TSPAN13: variants seen among roughly 807,000 people sequenced by gnomAD.
TSPAN13 encodes the protein tetraspanin 13, also known as tetraspanin-13.
A neutral mutation model predicts 26.9 loss-of-function variants in TSPAN13; 18 were observed. The ratio of observed to expected loss-of-function variants is 0.67; its 90% CI spans 0.46 to 0.99. The LOEUF (loss-of-function observed/expected upper bound fraction) is 0.99, where lower values mean the gene tolerates loss of function less well. TSPAN13 is among the 50% of genes least tolerant of loss of function. The pLI, the probability that TSPAN13 is intolerant of heterozygous loss-of-function variation, is 0.00. For missense variants in TSPAN13, 201 were observed against 249.6 expected (o/e 0.81, Z 1.31); for synonymous variants, 116 against 98.4 (o/e 1.18, Z -1.06).
At chr7:16,778,224 T>G in intron 4 of TSPAN13, among the ~76,000 whole-genome samples, 1 of 152,212 alleles carries the variant, frequency 6.6e-6, no homozygotes, top group Non-Finnish European at 1.5e-5. Context: ...GTGTTCATAT[T>G]TTGGGGAAAC....
intron 5 of TSPAN13, among the ~76,000 whole-genome samples, chr7:16,779,442 C>T (rs1562521504): frequency 6.6e-6 from 1 of 151,966 alleles, no homozygotes; most frequent in African/African-American, 2.4e-5. Flanking sequence ...AAAGGTAGGA[C>T]ATTCACATTG....
Position 16,753,874 on chromosome 7 carries a change from G to T in TSPAN13, c.-94G>T. The T allele has an allele frequency of 7.3e-7, 1 of 1,361,366 alleles. No homozygotes were observed. The highest frequency in any genetic ancestry group is 1.0e-6 in the Non-Finnish European group (1 of 973,716). 84.3% of individuals were successfully genotyped at this position (1,361,366 alleles called of 1,614,324 possible). ...CCACGTCTGCGTTGCTGCCCCGCCTGGGCCAGGCCCCAAAGGCAAGGACAA... is the reference window on the plus strand; with the variant it reads ...CCACGTCTGCGTTGCTGCCCCGCCTTGGCCAGGCCCCAAAGGCAAGGACAA... On this transcript the variant is annotated 5_prime_UTR_variant, in exon 1 of 6. Coordinates refer to ENST00000262067, the MANE Select transcript of TSPAN13 (RefSeq NM_014399.4).
intron 1 of TSPAN13, among the ~76,000 whole-genome samples, chr7:16,756,479 G>C (rs1252933880): frequency 6.6e-6 from 1 of 152,184 alleles, no homozygotes; most frequent in Non-Finnish European, 1.5e-5. Flanking sequence ...GACTGTATCA[G>C]CTGAACTGTC....
chr7:16,772,160 A>G (rs112225491), intron 1 of TSPAN13, among the ~76,000 whole-genome samples: 2 of 152,166 alleles, frequency 1.3e-5, no homozygotes, highest in Non-Finnish European at 2.9e-5. Context: ...CGAAACGATG[A>G]TGCAGATAAT....
intron 1 of TSPAN13, among the ~76,000 whole-genome samples, chr7:16,758,861 G>A (rs1149516): frequency 7.3e-5 from 11 of 151,286 alleles, no homozygotes; most frequent in Admixed American, 7.2e-4. Flanking sequence ...AATTGTAACT[G>A]TTTGGGGTTA....
chr7:16,755,113 C>G (rs1206712515), intron 1 of TSPAN13, among the ~76,000 whole-genome samples: 1 of 151,986 alleles, frequency 6.6e-6, no homozygotes, highest in Non-Finnish European at 1.5e-5. Flanking sequence ...TTGCTCCCTT[C>G]TATAAATATA....
At chr7:16,776,553 A>G (rs1408155270) in intron 2 of TSPAN13, among the ~76,000 whole-genome samples, 175 bp downstream of exon 2, 1 of 152,140 alleles carries the variant, frequency 6.6e-6, no homozygotes, top group Non-Finnish European at 1.5e-5. Flanking sequence ...GTACGTTTTC[A>G]TATTCTCACC....
At chr7:16,759,880 G>A (rs539662904) in intron 1 of TSPAN13, among the ~76,000 whole-genome samples, 13 of 152,072 alleles carry the variant, frequency 8.5e-5, no homozygotes, top group African/African-American at 1.9e-4. Flanking sequence ...TTGTAGAGAC[G>A]GGGTCTGTGT....
chr7:16,754,457 G>T (rs962089153), intron 1 of TSPAN13, among the ~76,000 whole-genome samples: 8 of 152,212 alleles, frequency 5.3e-5, no homozygotes, highest in Admixed American at 6.5e-5. Flanking sequence ...GAATGGCGTG[G>T]CCTGAAACTG....
Position 16,776,354 on chromosome 7 carries a change from A to C in TSPAN13, c.207A>C (p.Lys69Asn). The change falls in exon 2 of 6, where the codon AAA (lysine) becomes AAC (asparagine). Residue 69 changes from lysine to asparagine, a missense_variant. Lys to Asn is a moderately conservative substitution (Grantham distance 94, BLOSUM62 0). Coordinates refer to ENST00000262067, the MANE Select transcript of TSPAN13 (RefSeq NM_014399.4). Reference protein sequence around the residue: ...IALVGLIGAVKHHQVLLFFYM... With the variant: ...IALVGLIGAVNHHQVLLFFYM... ...TAGTGGGTCTGATTGGAGCTGTAAA[A>C]CATCATCAGGTGTTGCTATTTTTTG... 6.2e-7 allele frequency: 1 copy of C among 1,613,596 alleles called. No individual in the cohort carries two copies. The highest frequency in any genetic ancestry group is 2.2e-5 in the East Asian group (1 of 44,856).
At chr7:16,755,759 C>G (rs892751557) in intron 1 of TSPAN13, among the ~76,000 whole-genome samples, 3 of 151,944 alleles carry the variant, frequency 2.0e-5, no homozygotes, top group African/African-American at 7.3e-5. Context: ...TTTAAAAAGG[C>G]AAGTTATTTT....
chr7:16,761,690 A>ATTTTTTTTTT (rs35451307), intron 1 of TSPAN13, among the ~76,000 whole-genome samples: 11 of 93,324 alleles, frequency 1.2e-4, no homozygotes, highest in African/African-American at 1.7e-4. Flanking sequence ...CAGCTAATTA[A>ATTTTTTTTTT]TTTTTTTTTT....
intron 3 of TSPAN13, 38 bp downstream of exon 3, chr7:16,777,160 C>CAT (rs780276418): frequency 7.0e-7 from 1 of 1,420,104 alleles, no homozygotes; most frequent in East Asian, 2.3e-5. Context: ...TATTATACCA[C>CAT]ATAGCATGAG....
intron 1 of TSPAN13, among the ~76,000 whole-genome samples, chr7:16,770,727 G>A (rs916095698): frequency 6.6e-6 from 1 of 151,972 alleles, no homozygotes; most frequent in African/African-American, 2.4e-5. Flanking sequence ...GATTTGGAAG[G>A]GTCCCTCCTG....
At chr7:16,778,869 A>G in intron 4 of TSPAN13, 134 bp from the exon 5 acceptor site, 1 of 616,400 alleles carries the variant, frequency 1.6e-6, no homozygotes, top group Non-Finnish European at 2.8e-6. Flanking sequence ...TGTGTTAGAG[A>G]TTTGCACACT....
chr7:16,770,784 G>T (rs916306011), intron 1 of TSPAN13, among the ~76,000 whole-genome samples: 13 of 152,266 alleles, frequency 8.5e-5, no homozygotes, highest in Middle Eastern at 3.4e-3. Flanking sequence ...CCCAAATGCC[G>T]TCACCTCTTG....
chr7:16,781,958 T>C (rs1028040568), intron 5 of TSPAN13, among the ~76,000 whole-genome samples: 1 of 152,196 alleles, frequency 6.6e-6, no homozygotes, highest in Non-Finnish European at 1.5e-5. Flanking sequence ...TGGGGTAGTT[T>C]ATGGGCTCCA....
chr7:16,758,787 C>T (rs1027237826), intron 1 of TSPAN13, among the ~76,000 whole-genome samples: 13 of 150,722 alleles, frequency 8.6e-5, no homozygotes, highest in Admixed American at 1.3e-4. Flanking sequence ...ACCTTTCAAA[C>T]GTGTCTGTGG....
rs183127903 is a variant in TSPAN13, at chr7:16,776,613, C to T, written c.231+235C>T. ...TATATTCTGCAAGTTCAGTGTAGTC[C>T]TATTTATGTATTGTAAATTCAGAGT... On this transcript the variant is annotated intron_variant, in intron 2 of 5. Transcript: ENST00000262067. 2.6e-3 allele frequency among the ~76,000 whole-genome samples: 403 copies of T among 152,212 alleles called. 2 individuals are homozygous for T. The highest frequency in any genetic ancestry group is 4.1e-3 in the Non-Finnish European group (281 of 68,006).
Sources: allele counts gnomAD v4.1 joint callset (sites outside exome capture counted in the v4.1 genomes callset), GRCh38; gene constraint gnomAD v4.1.1; transcripts MANE v1.5; gene names NCBI Gene and HGNC (gene_info 2026-07-23, HGNC 2026-07-21).